Variants in TNC observed in about 807,000 individuals in gnomAD.
The protein encoded by TNC is tenascin C, also known as tenascin.
In TNC, 109 loss-of-function variants were observed where a neutral mutation model predicts 202.4. The observed-to-expected ratio is 0.54, with a 90% CI of 0.46 to 0.63. The LOEUF (loss-of-function observed/expected upper bound fraction) is 0.63. Among genes scored for constraint, TNC ranks in the 30% least tolerant of loss-of-function variants. TNC has a pLI of 0.00. For missense variants in TNC, 2,756 were observed against 2,833.3 expected (o/e 0.97, Z 0.62); for synonymous variants, 1,007 against 1,089.7 (o/e 0.92, Z 1.50).
intron 15 of TNC, among the ~76,000 whole-genome samples, chr9:115,050,147 G>T (rs962864026): frequency 6.6e-6 from 1 of 152,168 alleles, no homozygotes; most frequent in Non-Finnish European, 1.5e-5. Context: ...TGGCCTCTTT[G>T]CACCTCCACA....
intron 10 of TNC, 35 bp downstream of exon 10, chr9:115,073,568 A>G (rs1053014920): frequency 6.3e-7 from 1 of 1,597,524 alleles, no homozygotes; most frequent in African/African-American, 1.3e-5. Flanking sequence ...CTCAGAATCA[A>G]CCTAGAGTTT....
intron 26 of TNC, among the ~76,000 whole-genome samples, chr9:115,026,283 G>A (rs1829474397): frequency 6.6e-6 from 1 of 151,760 alleles, no homozygotes; most frequent in African/African-American, 2.4e-5. Flanking sequence ...CACTTTTTTT[G>A]AAAGATGGTC....
chr9:115,066,516 G>C (rs1832963870), intron 10 of TNC, among the ~76,000 whole-genome samples: 1 of 152,094 alleles, frequency 6.6e-6, no homozygotes, highest in South Asian at 2.1e-4. Flanking sequence ...TTCTTTTCTG[G>C]AATTGATTTA....
At chr9:115,043,543 C>A (rs1830937368) in intron 17 of TNC, among the ~76,000 whole-genome samples, 1 of 152,154 alleles carries the variant, frequency 6.6e-6, no homozygotes, top group South Asian at 2.1e-4. Context: ...TGGTACCCAC[C>A]CACAGGGATG....
chr9:115,041,591 G>A (rs957377468), intron 18 of TNC, among the ~76,000 whole-genome samples: 1 of 152,154 alleles, frequency 6.6e-6, no homozygotes, highest in Admixed American at 6.6e-5. Flanking sequence ...AGAATTTGGG[G>A]GCTAGTGAAG....
At chr9:115,046,768 A>G (rs1321785623) in intron 16 of TNC, 86 bp from the exon 17 acceptor site, 2 of 1,444,012 alleles carry the variant, frequency 1.4e-6, no homozygotes, top group African/African-American at 1.4e-5. Context: ...AGGGGTATCA[A>G]TATGTAGTGA....
In TNC at chr9:115,059,802, G is replaced by A; in HGVS notation, c.4234C>T (p.Pro1412Ser). 6.2e-7 allele frequency: 1 copy of A among 1,614,094 alleles called. No homozygotes were observed. The highest frequency in any genetic ancestry group is 8.5e-7 in the Non-Finnish European group (1 of 1,179,976). Residue 1412 changes from proline to serine, a missense_variant, in exon 14 of 28, where the codon CCT becomes TCT. Transcript: ENST00000350763. ...VDIPGLEAAT[P>S]YRVSIYGVIR... ...ACCCCATAGATGGAGACTCTATAAG[G>A]CGTGGCAGCCTCGAGGCCCGGGATG...
intron 1 of TNC, among the ~76,000 whole-genome samples, chr9:115,116,532 C>A (rs1052356634): frequency 6.6e-6 from 1 of 152,124 alleles, no homozygotes; most frequent in Non-Finnish European, 1.5e-5. Context: ...TTCTAAAACA[C>A]ATATGGGAAA....
chr9:115,103,482 G>A (rs1416418704), intron 1 of TNC, among the ~76,000 whole-genome samples: 1 of 152,082 alleles, frequency 6.6e-6, no homozygotes, highest in East Asian at 1.9e-4. Flanking sequence ...ATAACAGGAA[G>A]TGCAATAAAT....
chr9:115,090,747 G>T lies in TNC; in HGVS notation c.272C>A (p.Thr91Lys). 6.2e-7 allele frequency: 1 copy of T among 1,614,200 alleles called. No individual in the cohort carries two copies. The highest frequency in any genetic ancestry group is 1.7e-5 in the Admixed American group (1 of 60,022). The part of the protein sequence containing the change: ...SEPSESFQEH[T>K]VDGENQIVFT... ...GACAATCTGGTTTTCCCCATCCACT[G>T]TGTGCTCCTGAAAGCTTTCGCTGGG... is the stretch of plus-strand genomic sequence containing the variant. Residue 91 changes from threonine to lysine, a missense_variant, in exon 2 of 28, where the codon ACA (threonine) becomes AAA (lysine). Thr to Lys is a moderately conservative substitution (Grantham distance 78, BLOSUM62 -1). Coordinates refer to ENST00000350763, the MANE Select transcript of TNC (RefSeq NM_002160.4).
chr9:115,084,405 A>T lies in TNC; in HGVS notation c.1935T>A (p.Asn645Lys). The T allele has an allele frequency of 6.2e-7, 1 of 1,612,528 alleles. No individual in the cohort carries two copies. Among genetic ancestry groups the T allele is most frequent in the East Asian group, 2.2e-5 (1 of 44,844 alleles). ...CAAGGTACTCTGTGACCCGCATCTCATTGTCCCAGGCCAGGTTGACCGTCT... is the reference window on the plus strand; with the variant it reads ...CAAGGTACTCTGTGACCCGCATCTCTTTGTCCCAGGCCAGGTTGACCGTCT... The part of the protein sequence containing the change: ...TEETVNLAWD[N>K]EMRVTEYLVV... Residue 645 changes from asparagine (N) to lysine (K), a missense_variant, in exon 4 of 28, where the codon AAT becomes AAA. By Grantham distance (94) the Asn-to-Lys change is moderately conservative. Transcript: ENST00000350763.
At chr9:115,104,058 C>T (rs1836431122) in intron 1 of TNC, among the ~76,000 whole-genome samples, 2 of 152,224 alleles carry the variant, frequency 1.3e-5, no homozygotes, top group South Asian at 4.1e-4. Flanking sequence ...TTTCTCTCTT[C>T]TATTTCTTGC....
intron 3 of TNC, among the ~76,000 whole-genome samples, chr9:115,085,417 T>C (rs1457286487): frequency 6.6e-6 from 1 of 152,238 alleles, no homozygotes; most frequent in Non-Finnish European, 1.5e-5. Context: ...TTTACATCCA[T>C]CCAAATACAG....
intron 1 of TNC, among the ~76,000 whole-genome samples, chr9:115,111,399 C>CTCT (rs1174066886): frequency 1.5e-3 from 109 of 71,388 alleles, no homozygotes; most frequent in African/African-American, 2.3e-3. Context: ...CTCTCTCTCT[C>CTCT]TTTTTTTTTT....
chr9:115,098,381 C>A (rs1345515989), intron 1 of TNC, among the ~76,000 whole-genome samples: 1 of 152,162 alleles, frequency 6.6e-6, no homozygotes, highest in Non-Finnish European at 1.5e-5. Context: ...ACTAGTAGAG[C>A]TGTTTGGTAG....
intron 27 of TNC, among the ~76,000 whole-genome samples, chr9:115,023,408 A>T (rs1289368490): frequency 6.6e-6 from 1 of 152,194 alleles, no homozygotes; most frequent in Non-Finnish European, 1.5e-5. Context: ...GATCGAAAAA[A>T]ATCTGTTTCT....
chr9:115,086,264 G>A lies in TNC; in HGVS notation c.1467C>T (p.Asp489=), dbSNP rs559495675. The part of the protein sequence containing the change: ...RCVNGMCVCD[D]GYTGEDCRDR... ...CCCGGCAGTCTTCCCCTGTGTAGCCGTCATCACAAACACACATGCCATTCA... is the reference window on the plus strand; with the variant it reads ...CCCGGCAGTCTTCCCCTGTGTAGCCATCATCACAAACACACATGCCATTCA... Residue 489 remains aspartate (D), a synonymous_variant, in exon 3 of 28, where the codon GAC becomes GAT. Transcript: ENST00000350763. 73 of 1,614,142 alleles carry A rather than the reference G, an allele frequency of 4.5e-5. No homozygotes were observed. The highest frequency in any genetic ancestry group is 1.6e-4 in the Middle Eastern group (1 of 6,062).
At chr9:115,103,695 T>C (rs1384966674) in intron 1 of TNC, among the ~76,000 whole-genome samples, 1 of 152,214 alleles carries the variant, frequency 6.6e-6, no homozygotes, top group East Asian at 1.9e-4. Flanking sequence ...ACAATATTTT[T>C]GTTGAACTTA....
chr9:115,064,124 A>T, intron 11 of TNC, 56 bp from the exon 12 acceptor site: 1 of 1,480,882 alleles, frequency 6.8e-7, no homozygotes, highest in Non-Finnish European at 9.1e-7. Flanking sequence ...AGATCCAGGG[A>T]ATCTTTAACA....
Sources: gnomAD v4.1 joint callset for allele counts (sites outside exome capture counted in the v4.1 genomes callset) on GRCh38, gnomAD v4.1.1 for gene constraint, MANE v1.5 for transcripts, NCBI Gene and HGNC (gene_info 2026-07-23, HGNC 2026-07-21) for gene names.